DSCAML1: variants seen among roughly 807,000 people sequenced by gnomAD.
The protein encoded by DSCAML1 is cell adhesion molecule DSCAML1.
In DSCAML1, 38 loss-of-function variants were observed where a neutral mutation model predicts 200.5. The ratio of observed to expected loss-of-function variants is 0.19; its 90% CI spans 0.15 to 0.25. The LOEUF (loss-of-function observed/expected upper bound fraction) is 0.25. Ranked by LOEUF, DSCAML1 falls within the 10% of genes least tolerant of loss-of-function variation. The probability of loss-of-function intolerance (pLI) is 1.00; values close to 1 mark genes in which losing one functional copy is unlikely to be tolerated. For missense variants in DSCAML1, 2,223 were observed against 2,858.8 expected (o/e 0.78, Z 5.07); for synonymous variants, 1,215 against 1,165.0 (o/e 1.04, Z -0.87).
chr11:117,498,511 T>A lies in DSCAML1; in HGVS notation c.2359+5334A>T, dbSNP rs1807116. On this transcript the variant is annotated intron_variant, in intron 11 of 32. Coordinates refer to ENST00000651296, the MANE Select transcript of DSCAML1 (RefSeq NM_020693.4). The surrounding 1 kb of genome is among the most constrained non-coding windows in gnomAD (Gnocchi z 4.0). ...TAGACTCCTTGCCCTGTGGAAGGGG[T>A]GGGGGCCCCAGTCCCCCAGGTCTCA... is the stretch of plus-strand genomic sequence containing the variant. 2.0e-5 allele frequency among the ~76,000 whole-genome samples: 3 copies of A among 151,940 alleles called. No homozygotes were observed. The South Asian group carries it at 6.2e-4, about 32-fold the overall frequency.
In DSCAML1 at chr11:117,524,901, T is replaced by C; in HGVS notation, c.841A>G (p.Ile281Val). ...CTGTCCTCGGTCCGCAAGTCGCTGA[T>C]GGTCAGCCCTGTGATGCGCTTGGTC... ...RWTKRITGLTISDLRTEDSGT... is the reference protein window; with the variant it reads ...RWTKRITGLTVSDLRTEDSGT... The change falls in exon 5 of 33, where the codon ATC becomes GTC. Residue 281 changes from isoleucine to valine, a missense_variant. Ile to Val is a conservative substitution (Grantham distance 29, BLOSUM62 3). Around this residue, in one of 7 missense-constraint regions of DSCAML1, gnomAD observed 579 missense variants for 721.5 expected, o/e 0.80. Transcript: ENST00000651296. 1 of 1,613,428 alleles carries C rather than the reference T, an allele frequency of 6.2e-7. No homozygotes were observed. The highest frequency in any genetic ancestry group is 8.5e-7 in the Non-Finnish European group (1 of 1,179,812).
intron 3 of DSCAML1, among the ~76,000 whole-genome samples, chr11:117,646,548 G>C (rs909924957): frequency 6.6e-6 from 1 of 152,090 alleles, no homozygotes; most frequent in African/African-American, 2.4e-5. Context: ...GCTTTATTTA[G>C]CATCTACTAT....
intron 3 of DSCAML1, among the ~76,000 whole-genome samples, chr11:117,609,384 T>G (rs1007868777): frequency 6.6e-6 from 1 of 150,996 alleles, no homozygotes; most frequent in African/African-American, 2.4e-5. Context: ...CACAGCTCAC[T>G]GCAGACTTGA....
chr11:117,467,468 TAGTG>T (rs1259051772), intron 16 of DSCAML1, among the ~76,000 whole-genome samples: 2 of 152,202 alleles, frequency 1.3e-5, no homozygotes, highest in Admixed American at 6.5e-5. Flanking sequence ...TACTAAAAAA[TAGTG>T]AGATAAAAAC....
At chr11:117,473,177 TA>T (rs10709672) in intron 14 of DSCAML1, among the ~76,000 whole-genome samples, 6,100 of 152,232 alleles carry the variant, frequency 0.04, 207 homozygotes, top group African/African-American at 0.094. Context: ...CTAGAAAGAC[TA>T]AAAAAATTTT....
At chr11:117,775,444 G>A (rs2055112850) in intron 3 of DSCAML1, among the ~76,000 whole-genome samples, 1 of 152,118 alleles carries the variant, frequency 6.6e-6, no homozygotes, top group Non-Finnish European at 1.5e-5. Flanking sequence ...ATTAGCCTAT[G>A]GTTTTACAAA....
chr11:117,484,353 ACCT>A (rs2048994812), intron 11 of DSCAML1, among the ~76,000 whole-genome samples: 1 of 151,820 alleles, frequency 6.6e-6, no homozygotes, highest in African/African-American at 2.4e-5. Context: ...ACAGCAAGCC[ACCT>A]CCTCTGCTGC....
At chr11:117,746,828 C>A (rs2054526212) in intron 3 of DSCAML1, among the ~76,000 whole-genome samples, 1 of 152,156 alleles carries the variant, frequency 6.6e-6, no homozygotes, top group Non-Finnish European at 1.5e-5. Flanking sequence ...GAAACTCCTG[C>A]TCAGGCTTCA....
chr11:117,488,579 GA>G (rs1420164956), intron 11 of DSCAML1, among the ~76,000 whole-genome samples: 1 of 151,988 alleles, frequency 6.6e-6, no homozygotes, highest in African/African-American at 2.4e-5. Context: ...GGCAGTGTCA[GA>G]AACACACCTC....
chr11:117,812,817 G>A (rs997392376), intron 1 of DSCAML1, among the ~76,000 whole-genome samples: 2 of 148,472 alleles, frequency 1.3e-5, no homozygotes, highest in African/African-American at 4.9e-5. Context: ...GGTTAGTGCA[G>A]TCAAAATTCT....
intron 3 of DSCAML1, among the ~76,000 whole-genome samples, chr11:117,770,706 C>T (rs117697820): frequency 0.014 from 2,058 of 151,838 alleles, 26 homozygotes; most frequent in Non-Finnish European, 0.021. Context: ...GTACGATTAG[C>T]GTCTTGAGCA....
chr11:117,719,531 C>G lies in DSCAML1; in HGVS notation c.511+57260G>C, dbSNP rs1188059179. 3.3e-5 allele frequency among the ~76,000 whole-genome samples: 5 copies of G among 152,234 alleles called. No individual in the cohort carries two copies. In the East Asian group the frequency reaches 9.6e-4, roughly 29 times the overall value. On this transcript the variant is annotated intron_variant, in intron 3 of 32. Coordinates refer to ENST00000651296, the MANE Select transcript of DSCAML1 (RefSeq NM_020693.4). ...ACAAAGTTAATATGCAGTCCAGTTGCAATTCAAACACTTAACTCTAATTCT... is the reference window on the plus strand; with the variant it reads ...ACAAAGTTAATATGCAGTCCAGTTGGAATTCAAACACTTAACTCTAATTCT...
intron 3 of DSCAML1, among the ~76,000 whole-genome samples, chr11:117,685,157 G>C (rs1273172665): frequency 6.6e-6 from 1 of 152,232 alleles, no homozygotes; most frequent in Non-Finnish European, 1.5e-5. Context: ...GGATCACACA[G>C]TGGGCGATAG....
chr11:117,573,784 G>A (rs1425618907), intron 3 of DSCAML1, among the ~76,000 whole-genome samples: 2 of 152,226 alleles, frequency 1.3e-5, no homozygotes, highest in African/African-American at 4.8e-5. Flanking sequence ...AGCATTGAAG[G>A]AGGATGCAGG....
At chr11:117,430,123 C>T (rs950286758) in intron 32 of DSCAML1, among the ~76,000 whole-genome samples, 2 of 152,252 alleles carry the variant, frequency 1.3e-5, no homozygotes, top group Non-Finnish European at 1.5e-5. Context: ...ACTCCCCCTG[C>T]TGATCCTAGC....
chr11:117,492,721 G>A lies in DSCAML1; in HGVS notation c.2360-10559C>T, dbSNP rs575301341. Among the ~76,000 whole-genome samples, 99 of 152,312 alleles carry A rather than the reference G, an allele frequency of 6.5e-4. 2 individuals carry two copies. The highest frequency in any genetic ancestry group is 2.3e-3 in the African/African-American group (96 of 41,554). ...GGCATTGTTGGCGCGCCGGGTGGTC[G>A]GCGGGGCGGGTGGGAGCAGCGCTTC... On this transcript the variant is annotated intron_variant, in intron 11 of 32. Transcript: ENST00000651296.
At chr11:117,800,562 C>T (rs1253849042), upstream of DSCAML1, among the ~76,000 whole-genome samples, 2 of 152,354 alleles carry the variant, frequency 1.3e-5, no homozygotes, top group South Asian at 2.1e-4. Context: ...TATGCATATG[C>T]TCCATTTTTT....
intron 3 of DSCAML1, among the ~76,000 whole-genome samples, chr11:117,549,642 G>A (rs769715880): frequency 9.2e-5 from 14 of 152,328 alleles, no homozygotes; most frequent in South Asian, 6.2e-4. Context: ...TTGCTCTCAT[G>A]ATTATGACTT....
Position 117,575,873 on chromosome 11 carries a change from A to AAAACAAAAC in DSCAML1, c.512-43360_512-43352dup, listed in dbSNP as rs138981288. ...AAAACAAAACAAAACAAAACAAAACAAAACAAAACAAACAAAAAAAGAACA... is the reference window on the plus strand; with the variant it reads ...AAAACAAAACAAAACAAAACAAAACAAAACAAAACAAACAAAACAAACAAAAAAAGAACA... On this transcript the variant is annotated intron_variant, in intron 3 of 32. Coordinates refer to ENST00000651296, the MANE Select transcript of DSCAML1 (RefSeq NM_020693.4). Among the ~76,000 whole-genome samples, 404 of 141,132 alleles carry AAAACAAAAC rather than the reference A, an allele frequency of 2.9e-3. 4 individuals carry two copies. Among genetic ancestry groups the AAAACAAAAC allele is most frequent in the African/African-American group, 0.01 (394 of 38,510 alleles). 92.6% of individuals were successfully genotyped at this position (141,132 alleles called of 152,430 possible).
Sources: gnomAD v4.1 joint callset for allele counts (sites outside exome capture counted in the v4.1 genomes callset) on GRCh38, gnomAD v4.1.1 for gene constraint, gnomAD v4.1.1 regional missense constraint, Gnocchi (gnomAD v3.1) non-coding constraint, MANE v1.5 for transcripts, NCBI Gene and HGNC (gene_info 2026-07-23, HGNC 2026-07-21) for gene names.